The following ANKRD30B variants were observed in gnomAD, a reference collection of about 807,000 sequenced individuals.
ANKRD30B encodes ankyrin repeat domain-containing protein 30B.
A neutral mutation model predicts 202.2 loss-of-function variants in ANKRD30B; 144 were observed. The ratio of observed to expected loss-of-function variants is 0.71; its 90% CI spans 0.62 to 0.82. ANKRD30B has a LOEUF of 0.82. ANKRD30B is among the 40% of genes least tolerant of loss of function. The pLI, the probability that ANKRD30B is intolerant of heterozygous loss-of-function variation, is 0.00. For missense variants in ANKRD30B, 1,487 were observed against 1,669.1 expected (o/e 0.89, Z 1.90); for synonymous variants, 508 against 561.3 (o/e 0.91, Z 1.34).
intron 6 of ANKRD30B, among the ~76,000 whole-genome samples, chr18:14,761,511 A>T (rs573902141): frequency 4.8e-4 from 73 of 151,956 alleles, no homozygotes; most frequent in African/African-American, 1.6e-3. Context: ...TAGATAAACT[A>T]CTCTACTTTC....
At chr18:14,822,811 G>A in intron 32 of ANKRD30B, 134 bp downstream of exon 32, 1 of 1,212,086 alleles carries the variant, frequency 8.3e-7, no homozygotes, top group Non-Finnish European at 1.1e-6. Context: ...TAATGCCAAT[G>A]TTAGTATTCA....
chr18:14,820,281 C>A (rs1970346324), intron 30 of ANKRD30B, among the ~76,000 whole-genome samples: 1 of 152,178 alleles, frequency 6.6e-6, no homozygotes, highest in African/African-American at 2.4e-5. Flanking sequence ...ATGGGGTTTT[C>A]TAGATATACA....
chr18:14,910,601 T>C, the ANKRD30B span, among the ~76,000 whole-genome samples: 1 of 151,932 alleles, frequency 6.6e-6, no homozygotes, highest in Non-Finnish European at 1.5e-5. Context: ...AGAGCAAGTT[T>C]TTTTTTGATA....
chr18:14,809,928 T>G lies in ANKRD30B; in HGVS notation c.2387-58T>G. The G allele has an allele frequency of 3.0e-6, 4 of 1,330,600 alleles. No individual in the cohort carries two copies. In the East Asian group the frequency reaches 7.2e-5, roughly 24 times the overall value. The allele number at this position is 1,330,600 out of a possible 1,614,324, so 82.4% of individuals were successfully genotyped here. On this transcript the variant is annotated intron_variant, in intron 26 of 43. Coordinates refer to ENST00000690538, the MANE Select transcript of ANKRD30B (RefSeq NM_001367607.2). ...TCTTCATATTCACACTCTATGAACA[T>G]TTGGTAGGCTTTGTCAGGCTTGCAT...
intron 15 of ANKRD30B, among the ~76,000 whole-genome samples, chr18:14,790,289 G>A (rs762627780): frequency 9.2e-5 from 14 of 152,126 alleles, no homozygotes; most frequent in Non-Finnish European, 1.6e-4. Flanking sequence ...GAGATTTTGG[G>A]CTGAGACAAT....
the ANKRD30B span, among the ~76,000 whole-genome samples, chr18:14,928,201 C>A: frequency 6.6e-6 from 1 of 152,196 alleles, no homozygotes; most frequent in African/African-American, 2.4e-5. Context: ...CTCCCGACCT[C>A]AGGCGATCTG....
At chr18:14,929,474 C>G in the ANKRD30B span, among the ~76,000 whole-genome samples, 1 of 152,288 alleles carries the variant, frequency 6.6e-6, no homozygotes, top group South Asian at 2.1e-4. Flanking sequence ...CTGGCCTACA[C>G]GAGGCCCTTA....
intron 7 of ANKRD30B, among the ~76,000 whole-genome samples, chr18:14,764,430 C>G (rs1254483958): frequency 6.6e-6 from 1 of 151,990 alleles, no homozygotes; most frequent in Non-Finnish European, 1.5e-5. Context: ...CGCACTGTTG[C>G]CTGGGCTGGA....
At chr18:14,906,798 A>T in the ANKRD30B span, among the ~76,000 whole-genome samples, 6 of 150,968 alleles carry the variant, frequency 4.0e-5, no homozygotes, top group Non-Finnish European at 8.8e-5. Flanking sequence ...CGTGTGCTCA[A>T]GGTGGTTGGG....
chr18:14,766,493 A>AAAAAAAAGAAAAGAAAAGAAAAG (rs1567989711), intron 7 of ANKRD30B, among the ~76,000 whole-genome samples: 24 of 84,992 alleles, frequency 2.8e-4, no homozygotes, highest in Non-Finnish European at 4.9e-4. Flanking sequence ...AAAAAAAAAA[A>AAAAAAAAGAAAAGAAAAGAAAAG]AAAAGAAAAG....
chr18:14,893,540 T>C, the ANKRD30B span, among the ~76,000 whole-genome samples: 2 of 151,658 alleles, frequency 1.3e-5, no homozygotes. Flanking sequence ...GAACCTGGGA[T>C]GCGGAGGTTG....
downstream of ANKRD30B, among the ~76,000 whole-genome samples, chr18:14,857,524 A>G (rs1972130012): frequency 1.0e-3 from 2 of 1,980 alleles, no homozygotes; most frequent in African/African-American, 1.1e-3. Flanking sequence ...CGGGGAGACC[A>G]GGAAGAGGCG....
chr18:14,764,563 T>TG (rs1915798293), intron 7 of ANKRD30B, among the ~76,000 whole-genome samples: 1 of 151,478 alleles, frequency 6.6e-6, no homozygotes, highest in Admixed American at 6.6e-5. Flanking sequence ...CTGGCTGATT[T>TG]TTTGTATTTT....
the ANKRD30B span, among the ~76,000 whole-genome samples, chr18:14,928,742 G>A: frequency 6.6e-6 from 1 of 152,148 alleles, no homozygotes; most frequent in Non-Finnish European, 1.5e-5. Context: ...TATTGGTACT[G>A]TTTCTGGAGA....
At chr18:14,779,263 A>T (rs1199818181) in intron 10 of ANKRD30B, among the ~76,000 whole-genome samples, 1 of 152,192 alleles carries the variant, frequency 6.6e-6, no homozygotes, top group East Asian at 1.9e-4. Flanking sequence ...TGGGAAATTT[A>T]GGTTACTTAC....
At chr18:14,888,856 C>T in the ANKRD30B span, 1 of 925,850 alleles carries the variant, frequency 1.1e-6, no homozygotes, top group Non-Finnish European at 1.6e-6. Flanking sequence ...AATGGTTTTC[C>T]AGAATTAGTC....
At chr18:14,937,424 G>A in the ANKRD30B span, among the ~76,000 whole-genome samples, 2,024 of 129,118 alleles carry the variant, frequency 0.016, 28 homozygotes, top group Non-Finnish European at 0.024. Context: ...AGGTGCCGCC[G>A]GTTTGTATAA....
At chr18:14,791,624 T>C in intron 16 of ANKRD30B, 133 bp downstream of exon 16, 1 of 682,464 alleles carries the variant, frequency 1.5e-6, no homozygotes, top group African/African-American at 1.8e-5. Flanking sequence ...AGTGAAACGG[T>C]GATAAGTTAT....
chr18:14,798,194 C>T (rs1440762300), intron 20 of ANKRD30B, among the ~76,000 whole-genome samples: 2 of 148,502 alleles, frequency 1.3e-5, no homozygotes, highest in African/African-American at 5.0e-5. Flanking sequence ...GCCTTGTCGT[C>T]CCGTGGTGCC....
Sources: allele counts gnomAD v4.1 joint callset (sites outside exome capture counted in the v4.1 genomes callset), GRCh38; gene constraint gnomAD v4.1.1; transcripts MANE v1.5; gene names NCBI Gene and HGNC (gene_info 2026-07-23, HGNC 2026-07-21).